Variants in PRAMEF12 observed in about 807,000 individuals in gnomAD.
PRAMEF12 encodes PRAME family member 12.
PRAMEF12 carries 24 observed loss-of-function variants against 24.6 expected under a neutral mutation model. That is an observed-to-expected ratio of 0.98 (90% confidence interval 0.71 to 1.37). The LOEUF (loss-of-function observed/expected upper bound fraction) is 1.37. Among genes scored for constraint, PRAMEF12 ranks in the 40% most tolerant of loss-of-function variants. PRAMEF12 has a pLI of 0.00. For synonymous variants in PRAMEF12, 286 were observed against 242.6 expected (o/e 1.18, Z -1.66); for missense variants, 646 against 580.3 (o/e 1.11, Z -1.16).
At chr1:12,776,966 G>A in intron 2 of PRAMEF12, 45 bp from the exon 3 acceptor site, 1 of 1,554,882 alleles carries the variant, frequency 6.4e-7, no homozygotes, top group Non-Finnish European at 8.7e-7. Flanking sequence ...TCACCTTGAG[G>A]TCTTCCCCAC....
In PRAMEF12 at chr1:12,777,722, G is replaced by A. The variant is rs1639079020; in HGVS notation, c.*123G>A. 8.4e-7 allele frequency: 1 copy of A among 1,187,268 alleles called. No homozygotes were observed. The highest frequency in any genetic ancestry group is 1.2e-6 in the Non-Finnish European group (1 of 849,852). The allele number at this position is 1,187,268 out of a possible 1,614,324, so 73.5% of individuals were successfully genotyped here. A position where few individuals can be genotyped will look rare whatever the true frequency, so the allele number is the denominator to read the frequency against. ...CGGAAAGGAAAGGGGATGCAGGAAG[G>A]GAGGGACTGGGGGAAAAGTTGAGTT... On this transcript the variant is annotated 3_prime_UTR_variant, in exon 3 of 3. Transcript: ENST00000357726.
At chr1:12,776,233 G>A in intron 2 of PRAMEF12, 115 bp downstream of exon 2, 2 of 1,095,002 alleles carry the variant, frequency 1.8e-6, no homozygotes, top group African/African-American at 1.5e-5. Flanking sequence ...CAGCGAAGGG[G>A]ACACTAGAAT....
intron 1 of PRAMEF12, 147 bp from the exon 2 acceptor site, chr1:12,775,396 G>A (rs1044881029): frequency 2.2e-5 from 21 of 959,494 alleles, no homozygotes; most frequent in Non-Finnish European, 3.2e-5. Context: ...TAGCAGTGGG[G>A]ACCAGGCAGG....
At chr1:12,775,240 G>A (rs1294300279) in intron 1 of PRAMEF12, 86 bp downstream of exon 1, 10 of 1,429,910 alleles carry the variant, frequency 7.0e-6, no homozygotes, top group South Asian at 1.4e-5. Flanking sequence ...AGGCCCAAGG[G>A]TGGCCCAGAG....
At position 12,775,046 on chromosome 1, in the gene PRAMEF12, C is replaced by CCTT; in HGVS notation, c.181_183dup (p.Phe61dup). ...CTGACAACTATGGTGCAGGCCTGGC[C>CCTT]CTTCACCTGCCTTCCTCTAGGGTCC... On this transcript the variant is annotated inframe_insertion, in exon 1 of 3. Coordinates refer to ENST00000357726, the MANE Select transcript of PRAMEF12 (RefSeq NM_001080830.5). 2 of 1,614,146 alleles carry CCTT rather than the reference C, an allele frequency of 1.2e-6. No individual in the cohort carries two copies. Among genetic ancestry groups the CCTT allele is most frequent in the African/African-American group, 2.7e-5 (2 of 75,026 alleles).
At position 12,777,739 on chromosome 1, in the gene PRAMEF12, A is replaced by T; in HGVS notation, c.*140A>T. The T allele has an allele frequency of 9.9e-7, 1 of 1,007,292 alleles. No individual in the cohort carries two copies. Among genetic ancestry groups the T allele is most frequent in the Non-Finnish European group, 1.4e-6 (1 of 692,296 alleles). The allele number at this position is 1,007,292 out of a possible 1,614,324, so 62.4% of individuals were successfully genotyped here. A position where few individuals can be genotyped will look rare whatever the true frequency, so the allele number is the denominator to read the frequency against. On this transcript the variant is annotated 3_prime_UTR_variant, in exon 3 of 3. Coordinates refer to ENST00000357726, the MANE Select transcript of PRAMEF12 (RefSeq NM_001080830.5). ...GCAGGAAGGGAGGGACTGGGGGAAA[A>T]GTTGAGTTGGAGTCAATAGGAGCTT...
In PRAMEF12 at chr1:12,775,068, G is replaced by T; in HGVS notation, c.201G>T (p.Gly67=). The change falls in exon 1 of 3, where the codon GGG becomes GGT. Residue 67 remains glycine (G), a synonymous_variant. Coordinates refer to ENST00000357726, the MANE Select transcript of PRAMEF12 (RefSeq NM_001080830.5). Reference sequence around the variant, plus strand: ...GGCCCTTCACCTGCCTTCCTCTAGGGTCCCTGATGAAGTCATGTAATCTAG... The same window carrying T: ...GGCCCTTCACCTGCCTTCCTCTAGGTTCCCTGATGAAGTCATGTAATCTAG... ...QAWPFTCLPL[G]SLMKSCNLEI... 1 of 1,614,162 alleles carries T rather than the reference G, an allele frequency of 6.2e-7. No individual in the cohort carries two copies. Among genetic ancestry groups the T allele is most frequent in the Non-Finnish European group, 8.5e-7 (1 of 1,180,006 alleles).
Position 12,774,293 on chromosome 1 carries a change from G to A in PRAMEF12, c.-575G>A, listed in dbSNP as rs1279452813. ...TCCATCCCAAAGTGGGTCATTGTGAGTCTGTGTAAGAGATCAACATTGGAA... is the reference window on the plus strand; with the variant it reads ...TCCATCCCAAAGTGGGTCATTGTGAATCTGTGTAAGAGATCAACATTGGAA... On this transcript the variant is annotated 5_prime_UTR_variant, in exon 1 of 3. Transcript: ENST00000357726. Among the ~76,000 whole-genome samples the A allele has an allele frequency of 6.6e-6, 1 of 152,162 alleles. No individual in the cohort carries two copies. Among genetic ancestry groups the A allele is most frequent in the African/African-American group, 2.4e-5 (1 of 41,414 alleles).
chr1:12,777,110 A>G lies in PRAMEF12; in HGVS notation c.963A>G (p.Leu321=). ...HLSWCPSIRQ[L]KELDLRGITL... The stretch of plus-strand genomic sequence containing the variant: ...CTTGGTGCCCGAGCATCCGTCAGCT[A>G]AAAGAGCTAGACCTGAGGGGCATCA... Residue 321 remains leucine (L), a synonymous_variant, in exon 3 of 3, where the codon CTA becomes CTG. Coordinates refer to ENST00000357726, the MANE Select transcript of PRAMEF12 (RefSeq NM_001080830.5). The G allele has an allele frequency of 6.2e-7, 1 of 1,613,894 alleles. No homozygotes were observed. The highest frequency in any genetic ancestry group is 8.5e-7 in the Non-Finnish European group (1 of 1,179,976).
At position 12,774,946 on chromosome 1, in the gene PRAMEF12, A is replaced by T; in HGVS notation, c.79A>T (p.Thr27Ser). 3 of 1,613,638 alleles carry T rather than the reference A, an allele frequency of 1.9e-6. No individual in the cohort carries two copies. Among genetic ancestry groups the T allele is most frequent in the Non-Finnish European group, 2.5e-6 (3 of 1,179,908 alleles). The change falls in exon 1 of 3, where the codon ACC becomes TCC. Residue 27 changes from threonine to serine, a missense_variant. Physicochemically the swap from Thr to Ser is moderately conservative, Grantham distance 58. Transcript: ENST00000357726. Reference sequence around the variant, plus strand: ...GAGAGACCGGGCCTTGGCCATCCCCACCCTGGAGGAGCTGCCCAGGGAGCT... The same window carrying T: ...GAGAGACCGGGCCTTGGCCATCCCCTCCCTGGAGGAGCTGCCCAGGGAGCT... Reference protein sequence around the residue: ...LLRDRALAIPTLEELPRELFP... With the variant: ...LLRDRALAIPSLEELPRELFP...
rs1639015033 is a variant in PRAMEF12, at chr1:12,774,145, G to C, written c.-723G>C. On this transcript the variant is annotated 5_prime_UTR_variant, in exon 1 of 3. Coordinates refer to ENST00000357726, the MANE Select transcript of PRAMEF12 (RefSeq NM_001080830.5). ...CCCTTAAATTATAGTTCATAGACTT[G>C]GTGGCATCGTGATTTTACATGTTAG... Among the ~76,000 whole-genome samples the C allele has an allele frequency of 6.6e-6, 1 of 151,948 alleles. No homozygotes were observed. Among genetic ancestry groups the C allele is most frequent in the Non-Finnish European group, 1.5e-5 (1 of 68,014 alleles).
In PRAMEF12 at chr1:12,777,680, GC is replaced by G; in HGVS notation, c.*83del. On this transcript the variant is annotated 3_prime_UTR_variant, in exon 3 of 3. Transcript: ENST00000357726. ...GGAGCACAGACCCATCGTTTCATAT[GC>G]CTGCTCAATGTGAACCGGAAAGGAA... is the stretch of plus-strand genomic sequence containing the variant. 1 of 1,497,974 alleles carries G rather than the reference GC, an allele frequency of 6.7e-7. No homozygotes were observed. Among genetic ancestry groups the G allele is most frequent in the Non-Finnish European group, 9.1e-7 (1 of 1,093,972 alleles). 92.8% of individuals were successfully genotyped at this position (1,497,974 alleles called of 1,614,324 possible).
Position 12,777,432 on chromosome 1 carries a change from T to C in PRAMEF12, c.1285T>C (p.Phe429Leu), listed in dbSNP as rs367808840. The change falls in exon 3 of 3, where the codon TTT becomes CTT. Residue 429 changes from phenylalanine to leucine, a missense_variant. Transcript: ENST00000357726. ...DAQGALCWGR[F>L]SQLGAELMKT... The stretch of plus-strand genomic sequence containing the variant: ...CCAGGGTGCTCTCTGCTGGGGAAGA[T>C]TTTCTCAACTTGGGGCTGAGCTGAT... 2.5e-6 allele frequency: 4 copies of C among 1,613,884 alleles called. No individual in the cohort carries two copies. The highest frequency in any genetic ancestry group is 3.3e-5 in the Admixed American group (2 of 59,996).
rs771731554 is a variant in PRAMEF12 at position 12,774,070 on chromosome 1, C to A, written c.-798C>A. 6.6e-6 allele frequency among the ~76,000 whole-genome samples: 1 copy of A among 151,920 alleles called. No individual in the cohort carries two copies. The highest frequency in any genetic ancestry group is 1.5e-5 in the Non-Finnish European group (1 of 67,984). ...TTTAACAAGAGATATTAAAAAGTTA[C>A]AACTGGTTGAATTTTTATTTCGTGA... is the stretch of plus-strand genomic sequence containing the variant. On this transcript the variant is annotated 5_prime_UTR_variant, in exon 1 of 3. Transcript: ENST00000357726.
chr1:12,777,294 T>C lies in PRAMEF12; in HGVS notation c.1147T>C (p.Phe383Leu). The change falls in exon 3 of 3, where the codon TTC (phenylalanine) becomes CTC (leucine). Residue 383 changes from phenylalanine to leucine, a missense_variant. Phe to Leu is a conservative substitution (Grantham distance 22). Coordinates refer to ENST00000357726, the MANE Select transcript of PRAMEF12 (RefSeq NM_001080830.5). ...SRCSQLSTFS[F>L]CGNLISMAAL... ...CTGCTCCCAGCTCAGCACCTTCAGC[T>C]TCTGTGGGAACCTCATCTCCATGGC... The C allele has an allele frequency of 6.2e-7, 1 of 1,612,654 alleles. No individual in the cohort carries two copies.
At position 12,777,491 on chromosome 1, in the gene PRAMEF12, A is replaced by T. The variant is rs848578; in HGVS notation, c.1344A>T (p.Ile448=). ...TGAGGGACTTAAGGCAGCCCAAGAT[A>T]ATTGTGTTCAGCACTGTCCCCTGCC... is the stretch of plus-strand genomic sequence containing the variant. The part of the protein sequence containing the change: ...KTLRDLRQPK[I]IVFSTVPCPR... Residue 448 remains isoleucine (I), a synonymous_variant, in exon 3 of 3, where the codon ATA becomes ATT. Coordinates refer to ENST00000357726, the MANE Select transcript of PRAMEF12 (RefSeq NM_001080830.5). The T allele has an allele frequency of 0.21, 338,055 of 1,613,250 alleles. 33,725 individuals carry two copies. Among genetic ancestry groups the T allele is most frequent in the African/African-American group, 0.57 (42,990 of 74,874 alleles).
In PRAMEF12 at chr1:12,775,177, G is replaced by A. The variant is rs774211948; in HGVS notation, c.287+23G>A. 4 of 1,592,360 alleles carry A rather than the reference G, an allele frequency of 2.5e-6. No individual in the cohort carries two copies. In the South Asian group the frequency reaches 3.5e-5, roughly 14 times the overall value. ...CAGGTGAGGTGACCCAGCTAACCAG[G>A]TGGGGAGGGCTCAGGCATCCAGGGT... On this transcript the variant is annotated intron_variant, in intron 1 of 2. Transcript: ENST00000357726.
Position 12,777,315 on chromosome 1 carries a change from A to G in PRAMEF12, c.1168A>G (p.Met390Val). 6.2e-7 allele frequency: 1 copy of G among 1,612,892 alleles called. No homozygotes were observed. The highest frequency in any genetic ancestry group is 1.3e-5 in the African/African-American group (1 of 74,940). The change falls in exon 3 of 3, where the codon ATG becomes GTG. Residue 390 changes from methionine (M) to valine (V), a missense_variant. Physicochemically the swap from Met to Val is conservative, Grantham distance 21 (BLOSUM62 1). Transcript: ENST00000357726. ...TFSFCGNLIS[M>V]AALENLLRHT... ...CAGCTTCTGTGGGAACCTCATCTCC[A>G]TGGCCGCCCTGGAGAACCTGCTGCG...
chr1:12,774,995 C>T lies in PRAMEF12; in HGVS notation c.128C>T (p.Ala43Val). 1.9e-6 allele frequency: 3 copies of T among 1,614,136 alleles called. No individual in the cohort carries two copies. In the South Asian group the frequency reaches 3.3e-5, roughly 18 times the overall value. Reference sequence around the variant, plus strand: ...CTCTTTCCCCCACTGTTCATGGAGGCCTTTACCAGGAGATGCTGCGAGACC... The same window carrying T: ...CTCTTTCCCCCACTGTTCATGGAGGTCTTTACCAGGAGATGCTGCGAGACC... ...RELFPPLFME[A>V]FTRRCCETLT... Residue 43 changes from alanine (A) to valine (V), a missense_variant, in exon 1 of 3, where the codon GCC becomes GTC. Transcript: ENST00000357726.
Sources: allele counts gnomAD v4.1 joint callset (sites outside exome capture counted in the v4.1 genomes callset), GRCh38; gene constraint gnomAD v4.1.1; transcripts MANE v1.5; gene names NCBI Gene and HGNC (gene_info 2026-07-23, HGNC 2026-07-21).